Variants in LSM14A observed in about 807,000 individuals in gnomAD.
LSM14A encodes protein LSM14 homolog A.
Under a neutral mutation model 52.4 loss-of-function variants are expected in LSM14A, and 14 were observed. The ratio of observed to expected loss-of-function variants is 0.27; its 90% CI spans 0.18 to 0.42. The LOEUF is 0.42. Ranked by LOEUF, LSM14A falls within the 10% of genes least tolerant of loss-of-function variation. The pLI is 1.00. For synonymous variants in LSM14A, 185 were observed against 200.3 expected (o/e 0.92, Z 0.64); for missense variants, 417 against 581.8 (o/e 0.72, Z 2.91).
At chr19:34,194,011 A>G (rs938602731) in intron 1 of LSM14A, among the ~76,000 whole-genome samples, 36 of 152,300 alleles carry the variant, frequency 2.4e-4, no homozygotes, top group African/African-American at 7.7e-4. Flanking sequence ...TCTCTACTAA[A>G]AAATAAAAAA....
Position 34,228,761 on chromosome 19 carries a change from T to A in LSM14A, c.*1373T>A, listed in dbSNP as rs549946139. The A allele has an allele frequency of 6.5e-6, 1 of 152,686 alleles. No individual in the cohort carries two copies. The highest frequency in any genetic ancestry group is 1.5e-5 in the Non-Finnish European group (1 of 68,042). The allele number at this position is 152,686 out of a possible 1,614,324, so 9.5% of individuals were successfully genotyped here. A position where few individuals can be genotyped will look rare whatever the true frequency, so the allele number is the denominator to read the frequency against. ...TTGATTGTTTTCTTAACTTTCTCCT[T>A]AAAACATTCAGTAGTGATAAAGATA... On this transcript the variant is annotated 3_prime_UTR_variant, in exon 10 of 10. Transcript: ENST00000544216.
Position 34,227,791 on chromosome 19 carries a change from TGTG to T in LSM14A, c.*404_*406del, listed in dbSNP as rs1022171993. 7 of 26,582 alleles carry T rather than the reference TGTG, an allele frequency of 2.6e-4. No individual in the cohort carries two copies. The highest frequency in any genetic ancestry group is 8.6e-4 in the African/African-American group (6 of 6,942). 1.6% of individuals were successfully genotyped at this position (26,582 alleles called of 1,614,324 possible). On this transcript the variant is annotated 3_prime_UTR_variant, in exon 10 of 10. Coordinates refer to ENST00000544216, the MANE Select transcript of LSM14A (RefSeq NM_015578.4). The stretch of plus-strand genomic sequence containing the variant: ...TACTGTGTTTTGAGCCACAGAAGGT[TGTG>T]TGTGTGTGTGTGTGTGTGTGTGTGT...
chr19:34,198,725 G>C (rs142773278), intron 3 of LSM14A, among the ~76,000 whole-genome samples: 28 of 152,040 alleles, frequency 1.8e-4, no homozygotes, highest in South Asian at 2.1e-4. Flanking sequence ...GGTGGCTTAC[G>C]CCTGTAATCC....
intron 4 of LSM14A, among the ~76,000 whole-genome samples, chr19:34,211,408 A>C (rs1156563656): frequency 6.6e-6 from 1 of 152,224 alleles, no homozygotes; most frequent in Admixed American, 6.5e-5. Flanking sequence ...ATATATAATA[A>C]GAAATAAGTT....
chr19:34,198,879 C>T (rs981751446), intron 3 of LSM14A, among the ~76,000 whole-genome samples: 6 of 150,590 alleles, frequency 4.0e-5, no homozygotes, highest in South Asian at 2.1e-4. Flanking sequence ...TCCAGCTACT[C>T]GGGAGGCTGA....
intron 1 of LSM14A, among the ~76,000 whole-genome samples, chr19:34,189,748 A>G (rs978962349): frequency 2.0e-5 from 3 of 152,246 alleles, no homozygotes; most frequent in African/African-American, 7.2e-5. Context: ...AACTAGGATT[A>G]GGAGCAGACC....
At chr19:34,207,970 C>T (rs1428330916) in intron 3 of LSM14A, among the ~76,000 whole-genome samples, 2 of 152,074 alleles carry the variant, frequency 1.3e-5, no homozygotes, top group Non-Finnish European at 2.9e-5. Flanking sequence ...TGAAAATGAG[C>T]AAATTGCAAG....
At position 34,217,939 on chromosome 19, in the gene LSM14A, T is replaced by G. The variant is rs1372181704; in HGVS notation, c.782-1452T>G. ...AGGTTCATTAACAGAACAGTGCATA[T>G]TCTTCCCGATTTTTTTTGTAGATTT... On this transcript the variant is annotated intron_variant, in intron 6 of 9. Coordinates refer to ENST00000544216, the MANE Select transcript of LSM14A (RefSeq NM_015578.4). Among the ~76,000 whole-genome samples the G allele has an allele frequency of 2.0e-5, 3 of 151,588 alleles. No homozygotes were observed. In the East Asian group the frequency reaches 5.8e-4, roughly 29 times the overall value.
intron 9 of LSM14A, among the ~76,000 whole-genome samples, chr19:34,226,192 C>A (rs931195781): frequency 1.3e-5 from 2 of 152,096 alleles, no homozygotes; most frequent in Non-Finnish European, 2.9e-5. Context: ...ATGTAACCAG[C>A]TCCTGTTTTA....
intron 1 of LSM14A, among the ~76,000 whole-genome samples, chr19:34,183,045 C>G (rs1238478467): frequency 6.6e-6 from 1 of 152,028 alleles, no homozygotes; most frequent in Non-Finnish European, 1.5e-5. Context: ...TGCTTTTTCA[C>G]TCTTATATCA....
chr19:34,219,664 A>T lies in LSM14A; in HGVS notation c.965-42A>T, dbSNP rs545590684. 4 of 1,583,372 alleles carry T rather than the reference A, an allele frequency of 2.5e-6. No individual in the cohort carries two copies. In the African/African-American group the frequency reaches 5.5e-5, roughly 22 times the overall value. The stretch of plus-strand genomic sequence containing the variant: ...GATTAGGTGTTTTTATGTAATTCAG[A>T]TTAGCTGTCTTGACTTTTCTGATAT... On this transcript the variant is annotated intron_variant, in intron 7 of 9. Transcript: ENST00000544216.
chr19:34,208,784 T>C (rs903374294), intron 3 of LSM14A, 145 bp from the exon 4 acceptor site: 12 of 635,256 alleles, frequency 1.9e-5, no homozygotes, highest in Non-Finnish European at 2.9e-5. Flanking sequence ...TCAGTACACT[T>C]TAATTTCCAA....
At chr19:34,178,179 A>AAATAATAAT (rs74745913) in intron 1 of LSM14A, among the ~76,000 whole-genome samples, 18 of 150,000 alleles carry the variant, frequency 1.2e-4, no homozygotes, top group Admixed American at 2.0e-4. Context: ...AAAAAACACA[A>AAATAATAAT]AATAATAATA....
At chr19:34,224,670 A>G (rs2073247864) in intron 9 of LSM14A, among the ~76,000 whole-genome samples, 1 of 152,150 alleles carries the variant, frequency 6.6e-6, no homozygotes, top group African/African-American at 2.4e-5. Context: ...CCCACTTGAT[A>G]TATTTGGCCT....
chr19:34,211,247 G>A (rs372528463), intron 4 of LSM14A, among the ~76,000 whole-genome samples: 15 of 151,436 alleles, frequency 9.9e-5, no homozygotes, highest in Admixed American at 5.3e-4. Flanking sequence ...GCAGTGAGCC[G>A]AGATCACGCT....
At chr19:34,179,677 A>C (rs543492106) in intron 1 of LSM14A, among the ~76,000 whole-genome samples, 48 of 152,276 alleles carry the variant, frequency 3.2e-4, no homozygotes, top group Middle Eastern at 3.4e-3. Flanking sequence ...CATAAAACTG[A>C]AGAAAAAAAA....
At chr19:34,219,644 G>C in intron 7 of LSM14A, 62 bp from the exon 8 acceptor site, 1 of 1,569,102 alleles carries the variant, frequency 6.4e-7, no homozygotes, top group African/African-American at 1.4e-5. Context: ...TCTCAGATTA[G>C]GTGTTTTTAT....
rs369374116 is a variant in LSM14A at position 34,227,790 on chromosome 19, T to TTTTG, written c.*403_*404insTTGT. The TTTTG allele has an allele frequency of 6.6e-6, 1 of 152,312 alleles. No individual in the cohort carries two copies. Among genetic ancestry groups the TTTTG allele is most frequent in the Non-Finnish European group, 1.3e-5 (1 of 74,108 alleles). 9.4% of individuals were successfully genotyped at this position (152,312 alleles called of 1,614,324 possible). ...ATACTGTGTTTTGAGCCACAGAAGG[T>TTTTG]TGTGTGTGTGTGTGTGTGTGTGTGT... On this transcript the variant is annotated 3_prime_UTR_variant, in exon 10 of 10. Transcript: ENST00000544216.
chr19:34,218,753 A>G (rs1250833099), intron 6 of LSM14A, among the ~76,000 whole-genome samples: 5 of 152,068 alleles, frequency 3.3e-5, no homozygotes, highest in East Asian at 1.9e-4. Context: ...TTACTGTGTT[A>G]TAGAGGAGAG....
Sources: gnomAD v4.1 joint callset for allele counts (sites outside exome capture counted in the v4.1 genomes callset) on GRCh38, gnomAD v4.1.1 for gene constraint, MANE v1.5 for transcripts, NCBI Gene and HGNC (gene_info 2026-07-23, HGNC 2026-07-21) for gene names.